The following SOCS5 variants were observed in gnomAD, a reference collection of about 807,000 sequenced individuals.
SOCS5 encodes the protein suppressor of cytokine signaling 5.
In SOCS5, 32 loss-of-function variants were observed where a neutral mutation model predicts 42.8. That is an observed-to-expected ratio of 0.75 (90% CI 0.56 to 1.01). The LOEUF (loss-of-function observed/expected upper bound fraction) is 1.01. Among genes scored for constraint, SOCS5 ranks in the 50% least tolerant of loss-of-function variants. SOCS5 has a pLI of 0.00. For synonymous variants in SOCS5, 283 were observed against 229.6 expected (o/e 1.23, Z -2.10); for missense variants, 627 against 653.0 (o/e 0.96, Z 0.43).
At chr2:46,717,339 G>T (rs1424728784) in intron 1 of SOCS5, among the ~76,000 whole-genome samples, 1 of 152,038 alleles carries the variant, frequency 6.6e-6, no homozygotes, top group Non-Finnish European at 1.5e-5. Flanking sequence ...TTCTTTAGGG[G>T]ATCATGTTTT....
rs148852176 is a variant in SOCS5 at position 46,758,451 on chromosome 2, C to G, written c.-12-68C>G. On this transcript the variant is annotated intron_variant, in intron 1 of 1. Coordinates refer to ENST00000394861, the MANE Select transcript of SOCS5 (RefSeq NM_144949.3). ...TTCTGGACGGGAAGGGGTGTGGGCA[C>G]TGCCTTAGCTACCTTCACATGCTAC... 85 of 1,096,346 alleles carry G rather than the reference C, an allele frequency of 7.8e-5. 1 individual carries two copies. The Admixed American group carries it at 2.0e-3, about 26-fold the overall frequency. 67.9% of individuals were successfully genotyped at this position (1,096,346 alleles called of 1,614,324 possible).
At chr2:46,719,130 A>T (rs1421255795) in intron 1 of SOCS5, among the ~76,000 whole-genome samples, 1 of 152,214 alleles carries the variant, frequency 6.6e-6, no homozygotes, top group Non-Finnish European at 1.5e-5. Context: ...TTCTGATTAT[A>T]ATAAAAATAA....
At chr2:46,710,440 T>C (rs1254229489) in intron 1 of SOCS5, among the ~76,000 whole-genome samples, 2 of 152,204 alleles carry the variant, frequency 1.3e-5, no homozygotes, top group Admixed American at 6.5e-5. Context: ...CCGCAGTGCC[T>C]GGCCTCCTTT....
rs75043690 is a variant in SOCS5 at position 46,726,574 on chromosome 2, C to G, written c.-13+27125C>G. Among the ~76,000 whole-genome samples, 1,277 of 152,138 alleles carry G rather than the reference C, an allele frequency of 8.4e-3. 9 individuals are homozygous for G. Among genetic ancestry groups the G allele is most frequent in the African/African-American group, 0.015 (627 of 41,506 alleles). ...ACGAATGTCAGACCTTTTGATATCC[C>G]AAAGGTTCTTATGGCTCTCTGTTCA... is the stretch of plus-strand genomic sequence containing the variant. On this transcript the variant is annotated intron_variant, in intron 1 of 1. Transcript: ENST00000394861.
At chr2:46,717,161 C>G (rs997045626) in intron 1 of SOCS5, among the ~76,000 whole-genome samples, 3 of 152,162 alleles carry the variant, frequency 2.0e-5, no homozygotes, top group African/African-American at 7.2e-5. Context: ...TAACTTCTTC[C>G]TTTGTGGTTC....
intron 1 of SOCS5, among the ~76,000 whole-genome samples, chr2:46,705,448 A>G (rs947762876): frequency 1.4e-4 from 21 of 152,216 alleles, no homozygotes; most frequent in African/African-American, 4.3e-4. Flanking sequence ...ATCCCTACAC[A>G]TATGTTTTGA....
chr2:46,753,571 C>T (rs544498802), intron 1 of SOCS5, among the ~76,000 whole-genome samples: 7 of 151,992 alleles, frequency 4.6e-5, no homozygotes, highest in Non-Finnish European at 8.8e-5. Flanking sequence ...TTGGACCTTG[C>T]GCAACAAAGA....
At chr2:46,711,896 TA>T (rs1672630891) in intron 1 of SOCS5, among the ~76,000 whole-genome samples, 1 of 152,196 alleles carries the variant, frequency 6.6e-6, no homozygotes, top group African/African-American at 2.4e-5. Context: ...GTTAATGGAG[TA>T]AGTGTGGATC....
At chr2:46,746,543 C>G (rs145107140) in intron 1 of SOCS5, among the ~76,000 whole-genome samples, 1 of 151,218 alleles carries the variant, frequency 6.6e-6, no homozygotes, top group East Asian at 1.9e-4. Flanking sequence ...CCCAGCTACT[C>G]GGGAGGCTGA....
At chr2:46,712,177 G>A (rs1187538234) in intron 1 of SOCS5, among the ~76,000 whole-genome samples, 1 of 152,086 alleles carries the variant, frequency 6.6e-6, no homozygotes, top group African/African-American at 2.4e-5. Context: ...ATCTTAACAT[G>A]AACATAATAT....
rs192558958 is a variant in SOCS5 at position 46,707,626 on chromosome 2, G to A, written c.-13+8177G>A. The stretch of plus-strand genomic sequence containing the variant: ...TTGTATGTAGCCATATAGGAGTTTG[G>A]ATTTTTATTTAGTTTTATAGATGGG... On this transcript the variant is annotated intron_variant, in intron 1 of 1. Coordinates refer to ENST00000394861, the MANE Select transcript of SOCS5 (RefSeq NM_144949.3). Among the ~76,000 whole-genome samples, 327 of 152,270 alleles carry A rather than the reference G, an allele frequency of 2.1e-3. 3 individuals are homozygous for A. Among genetic ancestry groups the A allele is most frequent in the South Asian group, 0.011 (52 of 4,826 alleles).
rs200988756 is a variant in SOCS5, at chr2:46,710,138, CTTTAT to C, written c.-13+10697_-13+10701del. 5.6e-3 allele frequency among the ~76,000 whole-genome samples: 852 copies of C among 152,048 alleles called. 6 individuals are homozygous for C. The highest frequency in any genetic ancestry group is 0.019 in the African/African-American group (806 of 41,488). On this transcript the variant is annotated intron_variant, in intron 1 of 1. Transcript: ENST00000394861. ...ATTTCAGTTTTTGGTGGTTGTTTTC[CTTTAT>C]TTTATTTATTTATTTATTTTTTATG...
intron 1 of SOCS5, among the ~76,000 whole-genome samples, chr2:46,709,532 A>G (rs1672567587): frequency 6.6e-6 from 1 of 152,168 alleles, no homozygotes; most frequent in African/African-American, 2.4e-5. Flanking sequence ...CTGTGCAGAG[A>G]AAAGTAGGAA....
At chr2:46,709,227 T>C (rs1055854596) in intron 1 of SOCS5, among the ~76,000 whole-genome samples, 1 of 152,174 alleles carries the variant, frequency 6.6e-6, no homozygotes, top group Non-Finnish European at 1.5e-5. Context: ...CCTCTTTGCC[T>C]CTTTACCTTT....
intron 1 of SOCS5, among the ~76,000 whole-genome samples, chr2:46,702,476 T>G (rs1672366084): frequency 6.6e-6 from 1 of 152,180 alleles, no homozygotes. Context: ...AGAACAAAAA[T>G]ATTAATAATT....
chr2:46,750,899 A>G (rs1673607192), intron 1 of SOCS5, among the ~76,000 whole-genome samples: 1 of 152,186 alleles, frequency 6.6e-6, no homozygotes, highest in South Asian at 2.1e-4. Context: ...AATTTGAGAT[A>G]TATTCCATCT....
chr2:46,746,378 C>T (rs1345113488), intron 1 of SOCS5, among the ~76,000 whole-genome samples: 1 of 151,942 alleles, frequency 6.6e-6, no homozygotes, highest in African/African-American at 2.4e-5. Context: ...CCATCAGGGC[C>T]GGGTGGCTCA....
At chr2:46,724,089 G>A (rs1241360813) in intron 1 of SOCS5, among the ~76,000 whole-genome samples, 6 of 151,820 alleles carry the variant, frequency 4.0e-5, no homozygotes, top group African/African-American at 1.5e-4. Context: ...ATTGACTTTT[G>A]TGTGTTGACC....
intron 1 of SOCS5, among the ~76,000 whole-genome samples, chr2:46,749,046 G>A (rs1673567655): frequency 6.6e-6 from 1 of 152,174 alleles, no homozygotes; most frequent in South Asian, 2.1e-4. Context: ...AGGGAGATTT[G>A]TGGGAAGCAT....
Sources: allele counts gnomAD v4.1 joint callset (sites outside exome capture counted in the v4.1 genomes callset), GRCh38; gene constraint gnomAD v4.1.1; transcripts MANE v1.5; gene names NCBI Gene and HGNC (gene_info 2026-07-23, HGNC 2026-07-21).